The following CSGALNACT1 variants were observed in gnomAD, a reference collection of about 807,000 sequenced individuals.
The protein encoded by CSGALNACT1 is beta4GalNAcT-1.
Under a neutral mutation model 51.0 loss-of-function variants are expected in CSGALNACT1, and 52 were observed. That is an observed-to-expected ratio of 1.02 (90% CI 0.82 to 1.29). The LOEUF (loss-of-function observed/expected upper bound fraction) is 1.29. Among genes scored for constraint, CSGALNACT1 ranks in the 50% most tolerant of loss-of-function variants. The pLI is 0.00. For missense variants in CSGALNACT1, 935 were observed against 679.2 expected, an observed-to-expected ratio of 1.38 and a Z score of -4.19; for synonymous variants, 341 against 254.4, an observed-to-expected ratio of 1.34 and a Z score of -3.24.
chr8:19,647,697 A>C (rs955824469), intron 1 of CSGALNACT1, among the ~76,000 whole-genome samples: 6 of 152,214 alleles, frequency 3.9e-5, no homozygotes, highest in African/African-American at 1.4e-4. Flanking sequence ...GAAATTGCAA[A>C]TATCTTCAAT....
At chr8:19,641,655 C>G (rs1294563927) in intron 1 of CSGALNACT1, 1 of 152,072 alleles carries the variant, frequency 6.6e-6, no homozygotes, top group African/African-American at 2.4e-5. Context: ...AAGAAAGAAA[C>G]AAAACCTGTA....
chr8:19,464,707 A>G (rs1365109804), intron 4 of CSGALNACT1, among the ~76,000 whole-genome samples: 1 of 152,138 alleles, frequency 6.6e-6, no homozygotes, highest in Admixed American at 6.5e-5. Context: ...TGTAGGGCGT[A>G]TGCTCCTTAT....
intron 3 of CSGALNACT1, among the ~76,000 whole-genome samples, chr8:19,551,454 T>A (rs1434673579): frequency 1.3e-5 from 2 of 152,132 alleles, no homozygotes; most frequent in Non-Finnish European, 2.9e-5. Flanking sequence ...TCTCCCTCAA[T>A]TGGGTGGCAA....
At chr8:19,658,839 G>A (rs2058520869) in intron 1 of CSGALNACT1, among the ~76,000 whole-genome samples, 1 of 152,126 alleles carries the variant, frequency 6.6e-6, no homozygotes, top group African/African-American at 2.4e-5. Context: ...CTACTTTAAG[G>A]GAATTGAGGC....
intron 1 of CSGALNACT1, among the ~76,000 whole-genome samples, chr8:19,635,813 T>C (rs1356847192): frequency 1.3e-5 from 2 of 152,134 alleles, no homozygotes; most frequent in East Asian, 3.9e-4. Context: ...TTGCAACCTC[T>C]GCCTCCCGGG....
intron 1 of CSGALNACT1, among the ~76,000 whole-genome samples, chr8:19,719,535 A>G (rs2062999018): frequency 6.6e-6 from 1 of 152,240 alleles, no homozygotes; most frequent in Non-Finnish European, 1.5e-5. Context: ...GAAAAAAACA[A>G]CAAGACAATG....
At chr8:19,689,310 A>G (rs952989270) in intron 1 of CSGALNACT1, among the ~76,000 whole-genome samples, 2 of 152,152 alleles carry the variant, frequency 1.3e-5, no homozygotes, top group Non-Finnish European at 2.9e-5. Context: ...GAAGAGGGCC[A>G]TTTGGAGAGG....
chr8:19,477,769 G>A (rs1336423700), intron 4 of CSGALNACT1, among the ~76,000 whole-genome samples: 1 of 152,104 alleles, frequency 6.6e-6, no homozygotes, highest in Non-Finnish European at 1.5e-5. Context: ...TACCTCACAG[G>A]GTGGTTGTGA....
At chr8:19,651,108 AG>A (rs1349396821) in intron 1 of CSGALNACT1, among the ~76,000 whole-genome samples, 1 of 152,192 alleles carries the variant, frequency 6.6e-6, no homozygotes, top group African/African-American at 2.4e-5. Flanking sequence ...GAAAAGGGTC[AG>A]ATGGTGGGCA....
chr8:19,681,027 C>A (rs748765912), intron 1 of CSGALNACT1, among the ~76,000 whole-genome samples: 10 of 151,986 alleles, frequency 6.6e-5, no homozygotes, highest in Non-Finnish European at 1.0e-4. Flanking sequence ...GGTTACACAC[C>A]AATACTACTC....
chr8:19,451,427 T>G (rs4392915), intron 5 of CSGALNACT1, among the ~76,000 whole-genome samples: 71,086 of 152,134 alleles, frequency 0.47, 18,152 homozygotes, highest in East Asian at 0.86. Flanking sequence ...ACACAAATAC[T>G]TTTTGAGAGT....
chr8:19,484,247 G>C (rs983802504), intron 4 of CSGALNACT1, among the ~76,000 whole-genome samples: 1 of 129,732 alleles, frequency 7.7e-6, no homozygotes, highest in Non-Finnish European at 1.7e-5. Flanking sequence ...TAAGTAAAAA[G>C]ATGAACATTC....
At chr8:19,440,397 G>A (rs1242018637) in intron 5 of CSGALNACT1, among the ~76,000 whole-genome samples, 1 of 152,000 alleles carries the variant, frequency 6.6e-6, no homozygotes, top group South Asian at 2.1e-4. Flanking sequence ...TCCCTGGGAT[G>A]CAAGGCTGGT....
At chr8:19,429,087 G>A (rs1343172273) in intron 6 of CSGALNACT1, among the ~76,000 whole-genome samples, 2 of 151,876 alleles carry the variant, frequency 1.3e-5, no homozygotes, top group East Asian at 1.9e-4. Flanking sequence ...CCCAGCCCCT[G>A]GCAACTCTTA....
chr8:19,408,956 A>ACACACACACACACACACACACC, intron 8 of CSGALNACT1, among the ~76,000 whole-genome samples: 1 of 151,384 alleles, frequency 6.6e-6, no homozygotes, highest in Non-Finnish European at 1.5e-5. Flanking sequence ...GAAAACACAC[A>ACACACACACACACACACACACC]CACACACACA....
Position 19,460,473 on chromosome 8 carries a change from T to A in CSGALNACT1, c.635-1831A>T, listed in dbSNP as rs372296812. Among the ~76,000 whole-genome samples, 12 of 152,282 alleles carry A rather than the reference T, an allele frequency of 7.9e-5. No individual in the cohort carries two copies. In the East Asian group the frequency reaches 1.7e-3, roughly 22 times the overall value. On this transcript the variant is annotated intron_variant, in intron 4 of 9. Transcript: ENST00000454498. The stretch of plus-strand genomic sequence containing the variant: ...ATGCTTCTGGGCATCCACTGTTGTC[T>A]TGGAATGTATCCCCCAGGATGAGGG...
intron 8 of CSGALNACT1, among the ~76,000 whole-genome samples, chr8:19,415,835 C>G (rs2056755925): frequency 6.6e-6 from 1 of 152,170 alleles, no homozygotes. Flanking sequence ...AAGCTTAGAA[C>G]TCTGGGAAAG....
chr8:19,479,517 A>C (rs7460541), intron 4 of CSGALNACT1, among the ~76,000 whole-genome samples: 117,220 of 151,606 alleles, frequency 0.77, 45,697 homozygotes, highest in East Asian at 0.86. Flanking sequence ...AATGGTCCTC[A>C]TTAGTTCTGT....
intron 3 of CSGALNACT1, among the ~76,000 whole-genome samples, chr8:19,545,234 A>G (rs916726552): frequency 2.6e-5 from 4 of 152,198 alleles, no homozygotes; most frequent in South Asian, 2.1e-4. Flanking sequence ...CATACTTGGT[A>G]TCTCCTACTG....
Sources: gnomAD v4.1 joint callset for allele counts (sites outside exome capture counted in the v4.1 genomes callset) on GRCh38, gnomAD v4.1.1 for gene constraint, MANE v1.5 for transcripts, NCBI Gene and HGNC (gene_info 2026-07-23, HGNC 2026-07-21) for gene names.